The following CCDC3 variants were observed in gnomAD, a reference collection of about 807,000 sequenced individuals.
CCDC3 encodes coiled-coil domain containing 3, also known as coiled-coil domain-containing protein 3.
A neutral mutation model predicts 21.4 loss-of-function variants in CCDC3; 24 were observed. The ratio of observed to expected loss-of-function variants is 1.12; its 90% CI spans 0.81 to 1.58. The LOEUF is 1.58. Among genes scored for constraint, CCDC3 ranks in the 40% most tolerant of loss-of-function variants. CCDC3 has a pLI of 0.00. For missense variants in CCDC3, 425 were observed against 360.9 expected (o/e 1.18, Z -1.44); for synonymous variants, 186 against 166.0 (o/e 1.12, Z -0.93).
chr10:12,901,329 C>T (rs752638880), intron 2 of CCDC3, among the ~76,000 whole-genome samples: 7 of 151,992 alleles, frequency 4.6e-5, no homozygotes, highest in East Asian at 1.9e-4. Flanking sequence ...AGTGCAGTGG[C>T]GTGATCTTGG....
chr10:13,016,429 A>T (rs1836061210), intron 5 of CCDC3, among the ~76,000 whole-genome samples: 1 of 151,994 alleles, frequency 6.6e-6, no homozygotes, highest in Non-Finnish European at 1.5e-5. Flanking sequence ...AGCAACTCAA[A>T]AATAAAAGAC....
At chr10:13,062,229 A>G (rs761939040) in intron 4 of CCDC3, among the ~76,000 whole-genome samples, 2 of 152,146 alleles carry the variant, frequency 1.3e-5, no homozygotes, top group Non-Finnish European at 2.9e-5. Flanking sequence ...CTCAGTCTGA[A>G]TATAAGGAAT....
chr10:13,034,441 T>C (rs1836350164), intron 5 of CCDC3, among the ~76,000 whole-genome samples: 1 of 150,656 alleles, frequency 6.6e-6, no homozygotes, highest in Non-Finnish European at 1.5e-5. Flanking sequence ...TGTATACATA[T>C]GTAACAAACC....
chr10:13,093,093 G>A (rs998151248), intron 3 of CCDC3, among the ~76,000 whole-genome samples: 1 of 137,968 alleles, frequency 7.2e-6, no homozygotes, highest in Non-Finnish European at 1.5e-5. Context: ...AATCATTTAT[G>A]ACAATTTAAC....
chr10:12,925,725 C>A (rs925390980), intron 2 of CCDC3, among the ~76,000 whole-genome samples: 4 of 152,200 alleles, frequency 2.6e-5, no homozygotes, highest in African/African-American at 9.6e-5. Context: ...TTCTCTAAGT[C>A]CTCCGTCCCC....
chr10:12,942,439 T>C (rs1834847021), intron 2 of CCDC3, among the ~76,000 whole-genome samples: 1 of 152,164 alleles, frequency 6.6e-6, no homozygotes, highest in Admixed American at 6.5e-5. Flanking sequence ...GAAAGAACAG[T>C]CTGCAAAATG....
Position 12,998,319 on chromosome 10 carries a change from G to A in CCDC3, c.549+19C>T, listed in dbSNP as rs373772796. On this transcript the variant is annotated intron_variant, in intron 2 of 2. Coordinates refer to ENST00000378825, the MANE Select transcript of CCDC3 (RefSeq NM_031455.4). ...TATACTATTGTTTTGCTGTGGCACA[G>A]GATTTAGCCAATTCTTACCCTACTG... 155 of 1,610,772 alleles carry A rather than the reference G, an allele frequency of 9.6e-5. No individual in the cohort carries two copies. The highest frequency in any genetic ancestry group is 1.3e-4 in the Non-Finnish European group (149 of 1,178,566).
chr10:13,058,518 A>G (rs1836712282), intron 4 of CCDC3: 1 of 742,226 alleles, frequency 1.3e-6, no homozygotes, highest in Admixed American at 1.7e-5. Flanking sequence ...TCGTTACACA[A>G]ACTATCATCC....
chr10:12,918,728 G>C lies in CCDC3; in HGVS notation c.550-20049C>G, dbSNP rs144553883. 4.2e-4 allele frequency among the ~76,000 whole-genome samples: 64 copies of C among 152,228 alleles called. 2 individuals are homozygous for C. In the East Asian group the frequency reaches 0.012, roughly 28 times the overall value. On this transcript the variant is annotated intron_variant, in intron 2 of 2. Coordinates refer to ENST00000378825, the MANE Select transcript of CCDC3 (RefSeq NM_031455.4). ...TGATTAAACAGATGGAAGGGGGAAG[G>C]CTTCCAACATACATTATCGAGTAGA...
rs891270190 is a variant in CCDC3 at position 13,001,515 on chromosome 10, G to C, written c.56C>G (p.Ala19Gly). 7.5e-7 allele frequency: 1 copy of C among 1,325,014 alleles called. No individual in the cohort carries two copies. Among genetic ancestry groups the C allele is most frequent in the South Asian group, 2.1e-5 (1 of 48,634 alleles). 82.1% of individuals were successfully genotyped at this position (1,325,014 alleles called of 1,614,324 possible). ...ALCLAGPPAP[A>G]RACQLPSEWR... ...CTCGGAGGGCAGCTGGCAGGCGCGCGCGGGCGCTGGGGGACCCGCCAGGCA... is the reference window on the plus strand; with the variant it reads ...CTCGGAGGGCAGCTGGCAGGCGCGCCCGGGCGCTGGGGGACCCGCCAGGCA... The change falls in exon 1 of 3, where the codon GCG (alanine) becomes GGG (glycine). Residue 19 changes from alanine to glycine, a missense_variant. Transcript: ENST00000378825.
chr10:13,031,089 T>C (rs1272708025), intron 5 of CCDC3, among the ~76,000 whole-genome samples: 1 of 152,158 alleles, frequency 6.6e-6, no homozygotes, highest in Non-Finnish European at 1.5e-5. Flanking sequence ...GACCACATAG[T>C]TGGAAACAGA....
At chr10:12,949,050 T>G (rs1834970351) in intron 2 of CCDC3, among the ~76,000 whole-genome samples, 2 of 152,096 alleles carry the variant, frequency 1.3e-5, no homozygotes, top group Admixed American at 1.3e-4. Flanking sequence ...CTACATAATG[T>G]CCTCAGTAGC....
At chr10:13,001,057 C>G (rs1835841324) in intron 1 of CCDC3, 140 bp downstream of exon 1, 1 of 1,089,026 alleles carries the variant, frequency 9.2e-7, no homozygotes, top group Non-Finnish European at 1.3e-6. Context: ...TCCAAGAAGG[C>G]AAGGGGTAGG....
intron 2 of CCDC3, among the ~76,000 whole-genome samples, chr10:12,940,079 CT>C (rs1032053129): frequency 1.3e-5 from 2 of 152,086 alleles, no homozygotes; most frequent in Non-Finnish European, 2.9e-5. Context: ...TAAAAACATA[CT>C]GTTTTTTTTC....
At chr10:12,900,504 C>T (rs1834075138) in intron 2 of CCDC3, among the ~76,000 whole-genome samples, 1 of 138,060 alleles carries the variant, frequency 7.2e-6, no homozygotes, top group South Asian at 2.5e-4. Flanking sequence ...GGGTGAAACC[C>T]CATTTCTACT....
chr10:13,031,523 CA>C (rs1020178077), intron 5 of CCDC3, among the ~76,000 whole-genome samples: 2 of 151,742 alleles, frequency 1.3e-5, no homozygotes. Context: ...GATAGAGACA[CA>C]AAAAAACCTT....
chr10:12,935,384 T>G (rs1008688850), intron 2 of CCDC3, among the ~76,000 whole-genome samples: 7 of 152,160 alleles, frequency 4.6e-5, no homozygotes, highest in Non-Finnish European at 8.8e-5. Flanking sequence ...ATGCCAGGCC[T>G]TGTTTTTTGA....
intron 2 of CCDC3, among the ~76,000 whole-genome samples, chr10:12,990,390 T>C (rs963343987): frequency 1.6e-4 from 24 of 152,270 alleles, no homozygotes; most frequent in African/African-American, 4.8e-4. Context: ...CCCCTCCGCA[T>C]AGCAAAGTAT....
chr10:12,935,824 C>T (rs35713318), intron 2 of CCDC3, among the ~76,000 whole-genome samples: 14,929 of 152,132 alleles, frequency 0.098, 760 homozygotes, highest in African/African-American at 0.13. Flanking sequence ...AGCCAGTGCG[C>T]CCGGCCAACC....
Sources: gnomAD v4.1 joint callset for allele counts (sites outside exome capture counted in the v4.1 genomes callset) on GRCh38, gnomAD v4.1.1 for gene constraint, MANE v1.5 for transcripts, NCBI Gene and HGNC (gene_info 2026-07-23, HGNC 2026-07-21) for gene names.